The following ASXL3 variants were observed in gnomAD, a reference collection of about 807,000 sequenced individuals.
The protein encoded by ASXL3 is putative Polycomb group protein ASXL3.
Under a neutral mutation model 170.6 loss-of-function variants are expected in ASXL3, and 34 were observed. That is an observed-to-expected ratio of 0.20 (90% CI 0.15 to 0.27). The LOEUF (loss-of-function observed/expected upper bound fraction) is 0.27, where lower values mean the gene tolerates loss of function less well. Among genes scored for constraint, ASXL3 ranks in the 10% least tolerant of loss-of-function variants. The probability of loss-of-function intolerance (pLI) is 1.00; values close to 1 mark genes in which losing one functional copy is unlikely to be tolerated. For synonymous variants in ASXL3, 1,002 were observed against 989.1 expected (o/e 1.01, Z -0.24); for missense variants, 2,592 against 2,695.3 (o/e 0.96, Z 0.85).
intron 9 of ASXL3, among the ~76,000 whole-genome samples, chr18:33,733,533 A>G (rs573726759): frequency 4.5e-4 from 69 of 152,180 alleles, no homozygotes; most frequent in Non-Finnish European, 7.1e-4. Context: ...CAGCAGTCCT[A>G]TAACTGCAGT....
rs2067701305 is a variant in ASXL3, at chr18:33,743,409, C to T, written c.3561C>T (p.Asn1187=). ...ETTTVLQQSL[N]PSKLPETATD... is the part of the protein sequence containing the mutation. ...CCACTGTACTACAGCAGTCTCTTAA[C>T]CCAAGTAAACTTCCAGAAACTGCCA... Residue 1187 remains asparagine (N), a synonymous_variant, in exon 12 of 12, where the codon AAC becomes AAT. Transcript: ENST00000269197. The T allele has an allele frequency of 6.2e-7, 1 of 1,613,178 alleles. No homozygotes were observed. Among genetic ancestry groups the T allele is most frequent in the African/African-American group, 1.3e-5 (1 of 74,932 alleles).
At chr18:33,662,139 TAA>T (rs1215244614) in intron 5 of ASXL3, among the ~76,000 whole-genome samples, 1 of 152,200 alleles carries the variant, frequency 6.6e-6, no homozygotes, top group African/African-American at 2.4e-5. Flanking sequence ...TGAGATACAT[TAA>T]GTTACAAATA....
intron 8 of ASXL3, among the ~76,000 whole-genome samples, chr18:33,726,753 A>C (rs1470746796): frequency 1.3e-5 from 2 of 152,138 alleles, no homozygotes; most frequent in African/African-American, 4.8e-5. Flanking sequence ...TACCCTTTGG[A>C]AATGTCAGCT....
chr18:33,608,256 C>T (rs1362730977), intron 2 of ASXL3, among the ~76,000 whole-genome samples: 2 of 151,926 alleles, frequency 1.3e-5, no homozygotes, highest in African/African-American at 4.8e-5. Flanking sequence ...TAAAATGAAA[C>T]CCTGTACCCA....
chr18:33,668,179 A>T (rs1158801411), intron 5 of ASXL3, among the ~76,000 whole-genome samples: 2 of 152,152 alleles, frequency 1.3e-5, no homozygotes, highest in Non-Finnish European at 2.9e-5. Flanking sequence ...TAATCCAAGT[A>T]CTTTGGGAGG....
Position 33,644,968 on chromosome 18 carries a change from A to C in ASXL3, c.212A>C (p.Lys71Thr). 6.4e-7 allele frequency: 1 copy of C among 1,573,900 alleles called. No individual in the cohort carries two copies. Among genetic ancestry groups the C allele is most frequent in the African/African-American group, 1.3e-5 (1 of 74,100 alleles). Residue 71 changes from lysine to threonine, a missense_variant, in exon 3 of 12, where the codon AAA becomes ACA. This residue lies in a region of ASXL3 where 251 missense variants were observed against 281.9 expected (regional missense o/e 0.89). Transcript: ENST00000269197. ...CGAATAGGGGATGGAACATTCTTCA[A>C]AATCCCTGGAAAGTCAGGCCTCTAT... The part of the protein sequence containing the change: ...NTRIGDGTFF[K>T]IPGKSGLYAL...
intron 3 of ASXL3, among the ~76,000 whole-genome samples, chr18:33,645,496 T>G (rs1568301122): frequency 6.6e-6 from 1 of 152,064 alleles, no homozygotes; most frequent in East Asian, 1.9e-4. Flanking sequence ...CACACTTGTA[T>G]GAGAAGAAGA....
At chr18:33,661,273 T>A (rs2066170097) in intron 4 of ASXL3, among the ~76,000 whole-genome samples, 1 of 152,076 alleles carries the variant, frequency 6.6e-6, no homozygotes, top group Non-Finnish European at 1.5e-5. Flanking sequence ...ATACTATGCA[T>A]TGCCTAATCT....
At chr18:33,593,363 A>G (rs1259292017) in intron 1 of ASXL3, among the ~76,000 whole-genome samples, 2 of 138,990 alleles carry the variant, frequency 1.4e-5, no homozygotes, top group Admixed American at 8.2e-5. Context: ...ATTCCAGTCT[A>G]TGTTTCCCAT....
At chr18:33,593,258 CTTTTTTTTTTTTT>C (rs34699815) in intron 1 of ASXL3, among the ~76,000 whole-genome samples, 2 of 87,934 alleles carry the variant, frequency 2.3e-5, no homozygotes, top group East Asian at 3.2e-4. Context: ...CTATGCCCAC[CTTTTTTTTTTTTT>C]TTTTTTTTTT....
chr18:33,632,922 G>T (rs2065701323), intron 2 of ASXL3, among the ~76,000 whole-genome samples: 1 of 152,128 alleles, frequency 6.6e-6, no homozygotes, highest in Non-Finnish European at 1.5e-5. Context: ...CATTTAAACT[G>T]TGGAACTAAA....
chr18:33,682,054 T>A (rs1340866305), intron 7 of ASXL3, among the ~76,000 whole-genome samples: 1 of 152,224 alleles, frequency 6.6e-6, no homozygotes, highest in Admixed American at 6.5e-5. Context: ...AAAAAGTCAC[T>A]CTTTTGTCTT....
chr18:33,655,897 G>A (rs923033046), intron 4 of ASXL3, among the ~76,000 whole-genome samples: 3 of 151,890 alleles, frequency 2.0e-5, no homozygotes, highest in African/African-American at 7.2e-5. Context: ...AGTTTTCATC[G>A]GTAGTTCTCC....
intron 1 of ASXL3, chr18:33,578,902 C>T (rs1436296081): frequency 9.7e-6 from 2 of 205,978 alleles, no homozygotes; most frequent in Non-Finnish European, 9.3e-6. Flanking sequence ...TCCGGGAGCC[C>T]CGCGTCCGGG....
rs573214238 is a variant in ASXL3, at chr18:33,597,807, C to A, written c.55-9787C>A. ...TCTCTCATCTACAAAAAAAAAAAAA[C>A]AAAAAAAACAAAAAACAAACAAAAC... On this transcript the variant is annotated intron_variant, in intron 1 of 11. Transcript: ENST00000269197. Among the ~76,000 whole-genome samples the A allele has an allele frequency of 8.0e-4, 110 of 137,770 alleles. 1 individual carries two copies. In the East Asian group the frequency reaches 0.011, roughly 14 times the overall value. The allele number at this position is 137,770 out of a possible 152,430, so 90.4% of individuals were successfully genotyped here.
chr18:33,722,197 C>T (rs1317508322), intron 8 of ASXL3, among the ~76,000 whole-genome samples: 1 of 152,004 alleles, frequency 6.6e-6, no homozygotes, highest in Non-Finnish European at 1.5e-5. Context: ...ACAATGGCCT[C>T]TAAGAGTTAA....
At position 33,608,955 on chromosome 18, in the gene ASXL3, C is replaced by T. The variant is rs1426755316; in HGVS notation, c.137+1279C>T. On this transcript the variant is annotated intron_variant, in intron 2 of 11. Transcript: ENST00000269197. ...TACAGGACACCTATGCTCAAATTTT[C>T]ATTTTTTATTTTGGAGACTTTTTTT... 6 of 893,644 alleles carry T rather than the reference C, an allele frequency of 6.7e-6. No homozygotes were observed. In the Admixed American group the frequency reaches 1.9e-4, roughly 28 times the overall value. The allele number at this position is 893,644 out of a possible 1,614,324, so 55.4% of individuals were successfully genotyped here.
chr18:33,627,266 A>G lies in ASXL3; in HGVS notation c.138-17628A>G, dbSNP rs568544150. On this transcript the variant is annotated intron_variant, in intron 2 of 11. Coordinates refer to ENST00000269197, the MANE Select transcript of ASXL3 (RefSeq NM_030632.3). ...ATTCCCAGATTGGTGTCGCTCACAT[A>G]TGTTATTTCTGTTTTGTCAGTGTGA... Among the ~76,000 whole-genome samples the G allele has an allele frequency of 3.3e-5, 5 of 152,236 alleles. 1 individual carries two copies. In the South Asian group the frequency reaches 8.3e-4, roughly 25 times the overall value.
intron 1 of ASXL3, among the ~76,000 whole-genome samples, chr18:33,589,436 A>T (rs2065060554): frequency 6.6e-6 from 1 of 152,180 alleles, no homozygotes; most frequent in African/African-American, 2.4e-5. Flanking sequence ...TTTAAAAGTG[A>T]AACTGGTTCA....
Sources: gnomAD v4.1 joint callset for allele counts (sites outside exome capture counted in the v4.1 genomes callset) on GRCh38, gnomAD v4.1.1 for gene constraint, gnomAD v4.1.1 regional missense constraint, MANE v1.5 for transcripts, NCBI Gene and HGNC (gene_info 2026-07-23, HGNC 2026-07-21) for gene names.